Variants in PYHIN1 observed in about 807,000 individuals in gnomAD.
PYHIN1 encodes pyrin and HIN domain-containing protein 1.
Under a neutral mutation model 43.7 loss-of-function variants are expected in PYHIN1, and 32 were observed. The ratio of observed to expected loss-of-function variants is 0.73; its 90% CI spans 0.55 to 0.98. PYHIN1 has a LOEUF of 0.98. Ranked by LOEUF, PYHIN1 falls within the 50% of genes least tolerant of loss-of-function variation. PYHIN1 has a pLI of 0.00. For missense variants in PYHIN1, 588 were observed against 589.5 expected, an observed-to-expected ratio of 1.00 and a Z score of 0.03; for synonymous variants, 205 against 203.1, an observed-to-expected ratio of 1.01 and a Z score of -0.08.
intron 7 of PYHIN1, among the ~76,000 whole-genome samples, chr1:158,953,726 C>T (rs1353702747): frequency 3.9e-5 from 6 of 152,168 alleles, no homozygotes; most frequent in Admixed American, 3.3e-4. Flanking sequence ...AGTTCCTCAC[C>T]AGCAACGGAA....
chr1:158,945,969 G>A (rs1649199247), intron 7 of PYHIN1, among the ~76,000 whole-genome samples: 1 of 152,194 alleles, frequency 6.6e-6, no homozygotes, highest in Admixed American at 6.5e-5. Context: ...CTCAAAGACA[G>A]TGTTAGAGTC....
chr1:158,970,710 G>A (rs937522090), intron 7 of PYHIN1, among the ~76,000 whole-genome samples: 13 of 43,176 alleles, frequency 3.0e-4, no homozygotes, highest in African/African-American at 5.3e-4. Flanking sequence ...TAAAATATCT[G>A]TGAATAGAGC....
chr1:158,981,359 T>C (rs1651477414), downstream of PYHIN1, among the ~76,000 whole-genome samples: 1 of 152,114 alleles, frequency 6.6e-6, no homozygotes, highest in Non-Finnish European at 1.5e-5. Flanking sequence ...TAGTCTCAGC[T>C]ACTTGGGAGC....
At chr1:158,934,919 G>A (rs146018638) in intron 1 of PYHIN1, among the ~76,000 whole-genome samples, 46 of 152,112 alleles carry the variant, frequency 3.0e-4, no homozygotes, top group South Asian at 1.0e-3. Context: ...TAGTAGAGAC[G>A]GGGTTTCACC....
At chr1:158,962,444 C>CGGACCGTT (rs1650376035) in intron 7 of PYHIN1, among the ~76,000 whole-genome samples, 1 of 152,160 alleles carries the variant, frequency 6.6e-6, no homozygotes, top group Non-Finnish European at 1.5e-5. Context: ...GAGAAGTGAT[C>CGGACCGTT]GGACCGTTGT....
chr1:158,947,531 C>T (rs1466438423), intron 7 of PYHIN1, among the ~76,000 whole-genome samples: 1 of 152,200 alleles, frequency 6.6e-6, no homozygotes, highest in Non-Finnish European at 1.5e-5. Context: ...AAATCCCTTC[C>T]TAGGACAAGT....
At chr1:158,985,400 T>C in the PYHIN1 span, among the ~76,000 whole-genome samples, 1 of 152,214 alleles carries the variant, frequency 6.6e-6, no homozygotes, top group Non-Finnish European at 1.5e-5. Context: ...ATGTTTCTTT[T>C]TCACTTACAA....
At chr1:158,950,737 C>G (rs768063163) in intron 7 of PYHIN1, among the ~76,000 whole-genome samples, 8 of 152,148 alleles carry the variant, frequency 5.3e-5, no homozygotes, top group Non-Finnish European at 1.2e-4. Context: ...TCCCCCTTTT[C>G]TGTTTCTTGA....
At chr1:158,942,878 A>G (rs1201081047) in intron 5 of PYHIN1, among the ~76,000 whole-genome samples, 1 of 152,210 alleles carries the variant, frequency 6.6e-6, no homozygotes, top group Non-Finnish European at 1.5e-5. Context: ...CAATTGCAGT[A>G]AACAGGTAGG....
At chr1:158,973,406 T>A (rs1224061759) in intron 7 of PYHIN1, among the ~76,000 whole-genome samples, 1 of 151,872 alleles carries the variant, frequency 6.6e-6, no homozygotes, top group African/African-American at 2.4e-5. Flanking sequence ...TTATACTATA[T>A]GCTAGTTTCT....
the PYHIN1 span, among the ~76,000 whole-genome samples, chr1:158,983,110 T>C: frequency 1.3e-5 from 2 of 152,014 alleles, no homozygotes; most frequent in South Asian, 4.2e-4. Flanking sequence ...ACTTCCTTTC[T>C]TTCTATTTGG....
At chr1:158,974,382 G>A (rs1651126038) in intron 8 of PYHIN1, among the ~76,000 whole-genome samples, 1 of 152,004 alleles carries the variant, frequency 6.6e-6, no homozygotes, top group Admixed American at 6.6e-5. Context: ...TAATAATAAA[G>A]TGTTTTTCAA....
At chr1:158,934,514 G>A (rs193232715) in intron 1 of PYHIN1, among the ~76,000 whole-genome samples, 44 of 151,810 alleles carry the variant, frequency 2.9e-4, no homozygotes, top group East Asian at 9.7e-4. Flanking sequence ...CTTCATTCTC[G>A]GAGGCTTATG....
In PYHIN1 at chr1:158,958,421, C is replaced by A. The variant is rs552737199; in HGVS notation, c.1359+13379C>A. ...CACATATACACCATGGAATACTATGCAGCCATAAAAAATGATGAGTTCATG... is the reference window on the plus strand; with the variant it reads ...CACATATACACCATGGAATACTATGAAGCCATAAAAAATGATGAGTTCATG... On this transcript the variant is annotated intron_variant, in intron 7 of 8. Transcript: ENST00000368140. 2.2e-3 allele frequency among the ~76,000 whole-genome samples: 322 copies of A among 144,490 alleles called. 1 individual carries two copies. The highest frequency in any genetic ancestry group is 7.5e-3 in the African/African-American group (292 of 39,050). The allele number at this position is 144,490 out of a possible 152,430, so 94.8% of individuals were successfully genotyped here. A position where few individuals can be genotyped will look rare whatever the true frequency, so the allele number is the denominator to read the frequency against.
chr1:158,984,797 G>A, the PYHIN1 span, among the ~76,000 whole-genome samples: 34 of 152,208 alleles, frequency 2.2e-4, no homozygotes, highest in East Asian at 2.9e-3. Context: ...CTCTTCATAG[G>A]TCTCTAAGAA....
chr1:158,946,243 A>G (rs1649213467), intron 7 of PYHIN1, among the ~76,000 whole-genome samples: 1 of 152,188 alleles, frequency 6.6e-6, no homozygotes, highest in Non-Finnish European at 1.5e-5. Flanking sequence ...TCTCTATAAC[A>G]GAGTGCTTTT....
At chr1:158,946,680 T>A (rs1649242185) in intron 7 of PYHIN1, among the ~76,000 whole-genome samples, 1 of 152,168 alleles carries the variant, frequency 6.6e-6, no homozygotes, top group African/African-American at 2.4e-5. Flanking sequence ...ACTTAGTTAA[T>A]AAACACCCAT....
At chr1:158,935,930 C>A (rs1366125165) in intron 1 of PYHIN1, among the ~76,000 whole-genome samples, 1 of 152,158 alleles carries the variant, frequency 6.6e-6, no homozygotes, top group African/African-American at 2.4e-5. Context: ...CCCAATTCAA[C>A]TATCCTCATT....
intron 7 of PYHIN1, among the ~76,000 whole-genome samples, chr1:158,961,922 C>T (rs548826275): frequency 5.9e-5 from 9 of 152,270 alleles, no homozygotes; most frequent in Non-Finnish European, 1.3e-4. Flanking sequence ...GCACTGGACT[C>T]TAAGCCTCGC....
Sources: gnomAD v4.1 joint callset for allele counts (sites outside exome capture counted in the v4.1 genomes callset) on GRCh38, gnomAD v4.1.1 for gene constraint, MANE v1.5 for transcripts, NCBI Gene and HGNC (gene_info 2026-07-23, HGNC 2026-07-21) for gene names.